The following ERC1 variants were observed in gnomAD, a reference collection of about 807,000 sequenced individuals.
The protein encoded by ERC1 is ELKS/RAB6-interacting/CAST family member 1.
ERC1 carries 56 observed loss-of-function variants against 132.0 expected under a neutral mutation model. The ratio of observed to expected loss-of-function variants is 0.42; its 90% CI spans 0.34 to 0.53. The LOEUF (loss-of-function observed/expected upper bound fraction) is 0.53, where lower values mean the gene tolerates loss of function less well. Among genes scored for constraint, ERC1 ranks in the 20% least tolerant of loss-of-function variants. The pLI is 0.03. For synonymous variants in ERC1, 478 were observed against 476.1 expected, an observed-to-expected ratio of 1.00 and a Z score of -0.05; for missense variants, 1,202 against 1,349.9, an observed-to-expected ratio of 0.89 and a Z score of 1.72.
Position 1,189,980 on chromosome 12 carries a change from G to T in ERC1, c.2279G>T (p.Arg760Leu). The change falls in exon 12 of 19, where the codon CGA (arginine) becomes CTA (leucine). Residue 760 changes from arginine to leucine, a missense_variant. Physicochemically the swap from Arg to Leu is moderately radical, Grantham distance 102 (BLOSUM62 -2). Coordinates refer to ENST00000360905, the MANE Select transcript of ERC1 (RefSeq NM_178040.4). ...AGCAAGGCCCAGGCAGAAGTTGATC[G>T]ACTCTTAGAAATCTTGAAGGAGGTG... ...ESSKAQAEVDRLLEILKEVEN... is the reference protein window; with the variant it reads ...ESSKAQAEVDLLLEILKEVEN... 6.2e-7 allele frequency: 1 copy of T among 1,614,070 alleles called. No individual in the cohort carries two copies. The highest frequency in any genetic ancestry group is 8.5e-7 in the Non-Finnish European group (1 of 1,179,954).
At chr12:1,437,335 C>G (rs1294890756) in intron 17 of ERC1, among the ~76,000 whole-genome samples, 1 of 152,216 alleles carries the variant, frequency 6.6e-6, no homozygotes, top group Non-Finnish European at 1.5e-5. Flanking sequence ...TTTCTATGTG[C>G]TGTCCTCATC....
intron 16 of ERC1, chr12:1,386,800 A>G (rs577148276): frequency 2.6e-5 from 4 of 152,288 alleles, no homozygotes. Flanking sequence ...TTCAGGTACC[A>G]TCCCCTGCCT....
chr12:1,045,165 G>A (rs1432148024), intron 2 of ERC1, among the ~76,000 whole-genome samples: 5 of 152,066 alleles, frequency 3.3e-5, no homozygotes, highest in African/African-American at 1.2e-4. Context: ...TTTTTGTACT[G>A]TGGTCCTGTA....
At chr12:1,249,559 C>T (rs1174046392) in intron 13 of ERC1, among the ~76,000 whole-genome samples, 1 of 152,210 alleles carries the variant, frequency 6.6e-6, no homozygotes, top group East Asian at 1.9e-4. Flanking sequence ...GGTTCTTCTG[C>T]ATACTTGAGC....
intron 16 of ERC1, among the ~76,000 whole-genome samples, chr12:1,375,847 C>G (rs1217933816): frequency 6.7e-6 from 1 of 149,608 alleles, no homozygotes; most frequent in Non-Finnish European, 1.5e-5. Flanking sequence ...AAGCAATTCT[C>G]TGCCTCAGCC....
At chr12:1,154,219 A>ATATGTG (rs1214577017) in intron 8 of ERC1, among the ~76,000 whole-genome samples, 6 of 59,360 alleles carry the variant, frequency 1.0e-4, no homozygotes, top group African/African-American at 2.7e-4. Flanking sequence ...GTGTGTATGT[A>ATATGTG]TATGTATATG....
intron 8 of ERC1, among the ~76,000 whole-genome samples, chr12:1,150,216 TG>T (rs1272843476): frequency 2.0e-5 from 3 of 152,334 alleles, no homozygotes; most frequent in African/African-American, 7.2e-5. Flanking sequence ...TACTTATATG[TG>T]GAAACTATCC....
At chr12:1,055,124 A>G (rs1972699636) in intron 2 of ERC1, among the ~76,000 whole-genome samples, 2 of 152,104 alleles carry the variant, frequency 1.3e-5, no homozygotes, top group Non-Finnish European at 2.9e-5. Flanking sequence ...CATGTAAGAG[A>G]GATGTTTAAT....
chr12:1,014,932 T>A (rs1965280264), intron 1 of ERC1, among the ~76,000 whole-genome samples: 1 of 147,942 alleles, frequency 6.8e-6, no homozygotes, highest in African/African-American at 2.5e-5. Context: ...CCTGGCTAAT[T>A]TTTGTATTTT....
chr12:1,013,301 T>G (rs554852378), intron 1 of ERC1, among the ~76,000 whole-genome samples: 64 of 152,250 alleles, frequency 4.2e-4, no homozygotes, highest in Middle Eastern at 6.8e-3. Flanking sequence ...CAACCTTGTG[T>G]TTATTTCTAA....
chr12:1,190,053 G>GT lies in ERC1; in HGVS notation c.2351+2dup, dbSNP rs1429386881. On this transcript the variant is annotated splice_donor_variant, in intron 12 of 18. Coordinates refer to ENST00000360905, the MANE Select transcript of ERC1 (RefSeq NM_178040.4). LOFTEE classifies it high-confidence loss of function. ...ATAAGAAGATAGCTGAGTTGGAAAG[G>GT]TAAGAAAGTGAAGCTGATTGGGGCT... 2 of 1,611,538 alleles carry GT rather than the reference G, an allele frequency of 1.2e-6. No homozygotes were observed. Among genetic ancestry groups the GT allele is most frequent in the Non-Finnish European group, 8.5e-7 (1 of 1,178,146 alleles).
intron 1 of ERC1, among the ~76,000 whole-genome samples, chr12:1,005,099 T>C (rs1263623913): frequency 1.3e-5 from 2 of 152,188 alleles, no homozygotes; most frequent in African/African-American, 4.8e-5. Flanking sequence ...CAAGTAATTT[T>C]GAGTACTTCA....
At chr12:1,373,314 C>G (rs2052185) in intron 16 of ERC1, among the ~76,000 whole-genome samples, 63,521 of 152,092 alleles carry the variant, frequency 0.42, 14,841 homozygotes, top group African/African-American at 0.63. Flanking sequence ...AGCAATATCA[C>G]TTATCTTAAG....
chr12:1,222,404 T>C (rs1959076465), intron 12 of ERC1, among the ~76,000 whole-genome samples: 1 of 151,896 alleles, frequency 6.6e-6, no homozygotes, highest in Non-Finnish European at 1.5e-5. Flanking sequence ...TTTTGTATTT[T>C]TGGCAGATAC....
intron 2 of ERC1, among the ~76,000 whole-genome samples, chr12:1,030,216 C>T (rs2154151808): frequency 6.6e-6 from 1 of 152,176 alleles, no homozygotes; most frequent in Admixed American, 6.5e-5. Context: ...AATTAGCTAC[C>T]TCATTGTTGG....
At chr12:1,335,953 C>T (rs2083280228) in intron 15 of ERC1, among the ~76,000 whole-genome samples, 1 of 151,872 alleles carries the variant, frequency 6.6e-6, no homozygotes, top group South Asian at 2.1e-4. Flanking sequence ...TCATTATGGG[C>T]CTGTTCAGGG....
chr12:1,383,668 ATATTT>A (rs1454554459), intron 16 of ERC1, among the ~76,000 whole-genome samples: 2 of 152,186 alleles, frequency 1.3e-5, no homozygotes, highest in Non-Finnish European at 2.9e-5. Context: ...GAATTAAATG[ATATTT>A]GCATTCAAGG....
intron 1 of ERC1, chr12:998,368 A>G (rs1961393318): frequency 6.6e-6 from 1 of 152,186 alleles, no homozygotes; most frequent in African/African-American, 2.4e-5. Context: ...CCTATGATTC[A>G]GGGTCTCTCA....
chr12:993,291 T>C (rs543903478), intron 1 of ERC1, among the ~76,000 whole-genome samples: 1 of 152,344 alleles, frequency 6.6e-6, no homozygotes, highest in Admixed American at 6.5e-5. Context: ...GGGACAAATG[T>C]GAACTAAGAT....
Sources: gnomAD v4.1 joint callset for allele counts (sites outside exome capture counted in the v4.1 genomes callset) on GRCh38, gnomAD v4.1.1 for gene constraint, MANE v1.5 for transcripts, NCBI Gene and HGNC (gene_info 2026-07-23, HGNC 2026-07-21) for gene names.